Variants in STXBP5 observed in about 807,000 individuals in gnomAD.
STXBP5 encodes the protein syntaxin binding protein 5.
A neutral mutation model predicts 152.4 loss-of-function variants in STXBP5; 50 were observed. The observed-to-expected ratio is 0.33, with a 90% CI of 0.26 to 0.42. The LOEUF (loss-of-function observed/expected upper bound fraction) is 0.42, where lower values mean the gene tolerates loss of function less well. STXBP5 is among the 10% of genes least tolerant of loss of function. The pLI is 1.00. For synonymous variants in STXBP5, 492 were observed against 494.7 expected (o/e 0.99, Z 0.07); for missense variants, 1,167 against 1,388.6 (o/e 0.84, Z 2.54).
chr6:147,329,664 C>T (rs1426624893), intron 18 of STXBP5, among the ~76,000 whole-genome samples: 2 of 104,736 alleles, frequency 1.9e-5, no homozygotes, highest in African/African-American at 3.7e-5. Context: ...CTCGCTCTTT[C>T]GCCCAGGCTG....
chr6:147,226,334 A>T (rs1329180985), intron 2 of STXBP5, among the ~76,000 whole-genome samples: 1 of 152,010 alleles, frequency 6.6e-6, no homozygotes, highest in Middle Eastern at 3.2e-3. Context: ...GACATAAAAC[A>T]TGTTTCTTAG....
chr6:147,312,964 T>C (rs1290992739), intron 11 of STXBP5, among the ~76,000 whole-genome samples: 5 of 152,176 alleles, frequency 3.3e-5, no homozygotes, highest in African/African-American at 4.8e-5. Flanking sequence ...TTAGCAAAAG[T>C]ATCAGTTAAA....
chr6:147,277,545 A>C (rs190204353), intron 7 of STXBP5, among the ~76,000 whole-genome samples: 77 of 152,242 alleles, frequency 5.1e-4, no homozygotes, highest in African/African-American at 1.8e-3. Flanking sequence ...ATTTCTTATC[A>C]GAACAGTGTC....
chr6:147,280,596 A>G (rs1421897357), intron 8 of STXBP5, among the ~76,000 whole-genome samples: 1 of 152,152 alleles, frequency 6.6e-6, no homozygotes, highest in Non-Finnish European at 1.5e-5. Flanking sequence ...GCATCTGTTG[A>G]TGTTTCTTAG....
At chr6:147,316,431 G>T (rs1208902005) in intron 16 of STXBP5, 24 bp downstream of exon 16, 6 of 1,463,822 alleles carry the variant, frequency 4.1e-6, no homozygotes, top group Non-Finnish European at 2.7e-6. Context: ...AACTACAGAG[G>T]AGTTTTGGAT....
intron 4 of STXBP5, among the ~76,000 whole-genome samples, chr6:147,249,714 A>T (rs1778993121): frequency 6.6e-6 from 1 of 152,168 alleles, no homozygotes; most frequent in Non-Finnish European, 1.5e-5. Flanking sequence ...GGCAAAAGAG[A>T]GAGATTGTTT....
chr6:147,389,987 T>G lies in STXBP5; in HGVS notation c.*5232T>G, dbSNP rs1426345451. The stretch of plus-strand genomic sequence containing the variant: ...AAGACAATATGAAAAAGAGCAAGAT[T>G]AAGTTTTTCTAACATTGTCCACTTC... On this transcript the variant is annotated 3_prime_UTR_variant, in exon 28 of 28. Coordinates refer to ENST00000321680, the MANE Select transcript of STXBP5 (RefSeq NM_001127715.4). The G allele has an allele frequency of 6.6e-6, 1 of 151,976 alleles. No homozygotes were observed. The highest frequency in any genetic ancestry group is 2.4e-5 in the African/African-American group (1 of 41,416). 9.4% of individuals were successfully genotyped at this position (151,976 alleles called of 1,614,324 possible).
chr6:147,356,145 A>G (rs1001632640), intron 22 of STXBP5, among the ~76,000 whole-genome samples: 1 of 152,134 alleles, frequency 6.6e-6, no homozygotes, highest in Non-Finnish European at 1.5e-5. Context: ...CATTTTATAT[A>G]GTATTAGTCT....
intron 8 of STXBP5, among the ~76,000 whole-genome samples, chr6:147,282,702 C>T (rs1212392349): frequency 1.3e-5 from 2 of 152,084 alleles, no homozygotes; most frequent in Non-Finnish European, 2.9e-5. Flanking sequence ...GGAATAACTT[C>T]GACAGTATTG....
At chr6:147,249,944 G>C (rs576782959) in intron 4 of STXBP5, among the ~76,000 whole-genome samples, 1 of 152,182 alleles carries the variant, frequency 6.6e-6, no homozygotes, top group African/African-American at 2.4e-5. Flanking sequence ...AATGGAGAAA[G>C]GGTTCTCTGA....
chr6:147,339,509 C>A, intron 21 of STXBP5, 125 bp downstream of exon 21: 1 of 692,910 alleles, frequency 1.4e-6, no homozygotes, highest in Non-Finnish European at 2.2e-6. Flanking sequence ...AAAAAATAAT[C>A]TCTTGGGCTG....
chr6:147,380,405 G>A (rs1583018767), intron 26 of STXBP5, among the ~76,000 whole-genome samples: 1 of 136,912 alleles, frequency 7.3e-6, no homozygotes, highest in South Asian at 2.3e-4. Context: ...CGTGGCCAAA[G>A]AATGGTCTTT....
intron 2 of STXBP5, among the ~76,000 whole-genome samples, chr6:147,224,263 T>C (rs1053687974): frequency 5.3e-5 from 8 of 152,126 alleles, no homozygotes; most frequent in Admixed American, 5.2e-4. Context: ...CTGTCTCTAC[T>C]AAAAATAAAG....
Position 147,388,312 on chromosome 6 carries a change from A to T in STXBP5, c.*3557A>T, listed in dbSNP as rs981010314. The T allele has an allele frequency of 4.6e-5, 7 of 151,768 alleles. No homozygotes were observed. Among genetic ancestry groups the T allele is most frequent in the South Asian group, 2.1e-4 (1 of 4,830 alleles). 9.4% of individuals were successfully genotyped at this position (151,768 alleles called of 1,614,324 possible). ...CTTTAATAGGGTTTTATATAGATTT[A>T]AAAAATAGTAAAATAATCTGCTGTA... On this transcript the variant is annotated 3_prime_UTR_variant, in exon 28 of 28. Transcript: ENST00000321680.
intron 19 of STXBP5, among the ~76,000 whole-genome samples, chr6:147,336,565 T>G (rs1215110975): frequency 6.6e-6 from 1 of 152,078 alleles, no homozygotes; most frequent in Non-Finnish European, 1.5e-5. Flanking sequence ...GGGGATCATG[T>G]TTTAAAAAAC....
chr6:147,284,251 C>G (rs138704123), intron 8 of STXBP5, among the ~76,000 whole-genome samples: 208 of 152,246 alleles, frequency 1.4e-3, no homozygotes, highest in African/African-American at 4.8e-3. Context: ...CCACGCTAGA[C>G]TGAGAACATA....
chr6:147,239,104 CTATTG>C, intron 3 of STXBP5, 61 bp from the exon 4 acceptor site: 2 of 1,377,140 alleles, frequency 1.5e-6, no homozygotes, highest in Non-Finnish European at 2.0e-6. Context: ...TTTCTGGCAG[CTATTG>C]AGTAGACTTC....
intron 2 of STXBP5, among the ~76,000 whole-genome samples, chr6:147,220,608 C>CT (rs1777410386): frequency 1.3e-5 from 2 of 152,074 alleles, no homozygotes; most frequent in African/African-American, 2.4e-5. Flanking sequence ...AGAATTGACT[C>CT]TTTTTTCATT....
chr6:147,251,514 A>G (rs560176428), intron 4 of STXBP5, among the ~76,000 whole-genome samples: 11 of 152,282 alleles, frequency 7.2e-5, no homozygotes, highest in African/African-American at 2.6e-4. Flanking sequence ...CCACCCCGAC[A>G]GAGCCCAGCC....
Sources: gnomAD v4.1 joint callset for allele counts (sites outside exome capture counted in the v4.1 genomes callset) on GRCh38, gnomAD v4.1.1 for gene constraint, MANE v1.5 for transcripts, NCBI Gene and HGNC (gene_info 2026-07-23, HGNC 2026-07-21) for gene names.